The following PTPRR variants were observed in gnomAD, a reference collection of about 807,000 sequenced individuals.
PTPRR encodes receptor-type tyrosine-protein phosphatase R.
A neutral mutation model predicts 77.2 loss-of-function variants in PTPRR; 38 were observed. The observed-to-expected ratio is 0.49, with a 90% confidence interval of 0.38 to 0.65. PTPRR has a LOEUF of 0.65. Among genes scored for constraint, PTPRR ranks in the 30% least tolerant of loss-of-function variants. The pLI is 0.00. For synonymous variants in PTPRR, 299 were observed against 283.1 expected (o/e 1.06, Z -0.57); for missense variants, 744 against 799.2 (o/e 0.93, Z 0.83).
At chr12:70,919,673 G>GGTTT (rs1893824206) in intron 1 of PTPRR, among the ~76,000 whole-genome samples, 4 of 110,084 alleles carry the variant, frequency 3.6e-5, no homozygotes, top group Non-Finnish European at 5.7e-5. Context: ...AACTGTAATT[G>GGTTT]TTTTTTTTTT....
intron 13 of PTPRR, among the ~76,000 whole-genome samples, chr12:70,653,726 C>T (rs1281660752): frequency 3.9e-5 from 6 of 152,082 alleles, no homozygotes; most frequent in African/African-American, 1.4e-4. Flanking sequence ...GAAATATATA[C>T]TACTATTACT....
At chr12:70,798,146 A>G (rs1891549068) in intron 2 of PTPRR, among the ~76,000 whole-genome samples, 1 of 152,206 alleles carries the variant, frequency 6.6e-6, no homozygotes, top group African/African-American at 2.4e-5. Context: ...AAGTGGAACT[A>G]CTAATCATTC....
chr12:70,722,377 C>A (rs1289579301), intron 6 of PTPRR, among the ~76,000 whole-genome samples: 1 of 152,160 alleles, frequency 6.6e-6, no homozygotes, highest in Non-Finnish European at 1.5e-5. Context: ...CATGATCTCT[C>A]CTGTCACTAG....
chr12:70,672,141 C>G, intron 10 of PTPRR: 2 of 1,430,900 alleles, frequency 1.4e-6, no homozygotes, highest in Non-Finnish European at 2.0e-6. Flanking sequence ...CAGGGAGAGG[C>G]CATCCTCTCA....
intron 6 of PTPRR, among the ~76,000 whole-genome samples, chr12:70,737,578 T>C (rs964436366): frequency 3.9e-5 from 6 of 151,952 alleles, no homozygotes; most frequent in African/African-American, 1.2e-4. Flanking sequence ...TGGAGTACAG[T>C]GGTGTGACAC....
intron 11 of PTPRR, 91 bp downstream of exon 11, chr12:70,662,404 T>C: frequency 1.5e-6 from 1 of 663,944 alleles, no homozygotes; most frequent in Non-Finnish European, 2.4e-6. Flanking sequence ...TTTGCTTAAA[T>C]TGCATTTGTA....
intron 4 of PTPRR, 149 bp from the exon 5 acceptor site, chr12:70,754,450 T>C (rs1890506234): frequency 6.4e-7 from 1 of 1,566,016 alleles, no homozygotes; most frequent in African/African-American, 1.4e-5. Context: ...CTTCTCAAAC[T>C]GATCTAAGAC....
Position 70,754,531 on chromosome 12 carries a change from A to G in PTPRR, c.628-230T>C, listed in dbSNP as rs550001879. ...CAGGAGCAAGCGTGCCTGACATGGC[A>G]TCTGCAGGTCCCAGGCTTTCTAAAC... is the stretch of plus-strand genomic sequence containing the variant. On this transcript the variant is annotated intron_variant, in intron 4 of 13. Transcript: ENST00000283228. 2.7e-5 allele frequency: 43 copies of G among 1,585,704 alleles called. No homozygotes were observed. The East Asian group carries it at 9.6e-4, about 35-fold the overall frequency.
chr12:70,803,027 G>A (rs1891644039), intron 2 of PTPRR, among the ~76,000 whole-genome samples: 1 of 152,068 alleles, frequency 6.6e-6, no homozygotes, highest in African/African-American at 2.4e-5. Context: ...TAGAATAGAA[G>A]CCAATTTGAT....
At position 70,761,428 on chromosome 12, in the gene PTPRR, A is replaced by T. The variant is rs774892782; in HGVS notation, c.627+43T>A. The T allele has an allele frequency of 4.0e-6, 6 of 1,495,078 alleles. No individual in the cohort carries two copies. The Admixed American group carries it at 1.3e-4, about 31-fold the overall frequency. The allele number at this position is 1,495,078 out of a possible 1,614,324, so 92.6% of individuals were successfully genotyped here. A position where few individuals can be genotyped will look rare whatever the true frequency, so the allele number is the denominator to read the frequency against. Reference sequence around the variant, plus strand: ...GGGGTTGAATTACCATAGCATGCTAACTGTTCACATTTTTAAATGAATTGT... The same window carrying T: ...GGGGTTGAATTACCATAGCATGCTATCTGTTCACATTTTTAAATGAATTGT... On this transcript the variant is annotated intron_variant, in intron 4 of 13. Coordinates refer to ENST00000283228, the MANE Select transcript of PTPRR (RefSeq NM_002849.4).
At chr12:70,850,060 T>G (rs1360770605) in intron 2 of PTPRR, among the ~76,000 whole-genome samples, 1 of 152,128 alleles carries the variant, frequency 6.6e-6, no homozygotes, top group East Asian at 1.9e-4. Context: ...ATTTCTCTAT[T>G]TAAAAAAAAG....
At chr12:70,917,404 A>G (rs1893791007) in intron 1 of PTPRR, among the ~76,000 whole-genome samples, 1 of 152,120 alleles carries the variant, frequency 6.6e-6, no homozygotes, top group African/African-American at 2.4e-5. Flanking sequence ...GCTATTAACT[A>G]CCACTTTAAT....
intron 2 of PTPRR, among the ~76,000 whole-genome samples, chr12:70,766,091 C>A (rs1248853799): frequency 6.6e-6 from 1 of 152,182 alleles, no homozygotes; most frequent in Non-Finnish European, 1.5e-5. Context: ...ACTGGAAACT[C>A]TAAAAAGCAG....
At chr12:70,672,923 G>T (rs1887292614) in intron 10 of PTPRR, 3 of 1,503,832 alleles carry the variant, frequency 2.0e-6, no homozygotes, top group East Asian at 2.8e-5. Context: ...GCTTAGCCCA[G>T]GGAAATGTCG....
At chr12:70,670,794 A>G (rs2136696014) in intron 10 of PTPRR, among the ~76,000 whole-genome samples, 1 of 152,352 alleles carries the variant, frequency 6.6e-6, no homozygotes, top group Middle Eastern at 3.4e-3. Context: ...TGTCATTTCA[A>G]TGTTTCCTTC....
chr12:70,793,703 G>T (rs888411462), intron 2 of PTPRR, among the ~76,000 whole-genome samples: 2 of 152,160 alleles, frequency 1.3e-5, no homozygotes, highest in Non-Finnish European at 2.9e-5. Flanking sequence ...TTTGTGAGAG[G>T]TTTGATAGGA....
intron 2 of PTPRR, among the ~76,000 whole-genome samples, chr12:70,769,192 T>C (rs1175437501): frequency 2.0e-5 from 3 of 148,712 alleles, no homozygotes; most frequent in Non-Finnish European, 3.0e-5. Context: ...ATAAAGGGTA[T>C]TCAATTAGGA....
chr12:70,726,196 G>T (rs1889429921), intron 6 of PTPRR, among the ~76,000 whole-genome samples: 1 of 151,102 alleles, frequency 6.6e-6, no homozygotes, highest in Non-Finnish European at 1.5e-5. Flanking sequence ...CTTAATTCAA[G>T]AAAATTATAC....
rs777891277 is a variant in PTPRR at position 70,684,214 on chromosome 12, G to A, written c.1410C>T (p.Ile470=). The A allele has an allele frequency of 1.9e-6, 3 of 1,613,970 alleles. No homozygotes were observed. Among genetic ancestry groups the A allele is most frequent in the African/African-American group, 2.7e-5 (2 of 74,914 alleles). ...KAFIATQGPM[I]NTVDDFWQMV... ...TCTGCCAGAAATCATCCACGGTGTT[G>A]ATCATGGGGCCCTGCGTGGCAATGA... Residue 470 remains isoleucine, a synonymous_variant, in exon 10 of 14, where the codon ATC becomes ATT. Coordinates refer to ENST00000283228, the MANE Select transcript of PTPRR (RefSeq NM_002849.4).
Sources: allele counts gnomAD v4.1 joint callset (sites outside exome capture counted in the v4.1 genomes callset), GRCh38; gene constraint gnomAD v4.1.1; transcripts MANE v1.5; gene names NCBI Gene and HGNC (gene_info 2026-07-23, HGNC 2026-07-21).